The following CRYZL1 variants were observed in gnomAD, a reference collection of about 807,000 sequenced individuals.
CRYZL1 encodes the protein crystallin zeta like 1.
CRYZL1 carries 34 observed loss-of-function variants against 50.6 expected under a neutral mutation model. That is an observed-to-expected ratio of 0.67 (90% confidence interval 0.51 to 0.89). CRYZL1 has a LOEUF of 0.89. Among genes scored for constraint, CRYZL1 ranks in the 40% least tolerant of loss-of-function variants. The pLI, the probability that CRYZL1 is intolerant of heterozygous loss-of-function variation, is 0.00. For synonymous variants in CRYZL1, 125 were observed against 134.3 expected (o/e 0.93, Z 0.48); for missense variants, 354 against 402.3 (o/e 0.88, Z 1.03).
intron 1 of CRYZL1, among the ~76,000 whole-genome samples, chr21:33,636,151 T>A (rs1220037813): frequency 6.6e-6 from 1 of 152,048 alleles, no homozygotes; most frequent in Non-Finnish European, 1.5e-5. Context: ...TCCCAACAAT[T>A]TGGGAGGAGG....
intron 11 of CRYZL1, among the ~76,000 whole-genome samples, chr21:33,593,678 T>G (rs1296035995): frequency 1.3e-5 from 2 of 152,218 alleles, no homozygotes; most frequent in East Asian, 3.9e-4. Context: ...TTCCAACATG[T>G]AAGATTCAAA....
At chr21:33,592,784 G>A (rs936572604) in intron 11 of CRYZL1, among the ~76,000 whole-genome samples, 3 of 152,126 alleles carry the variant, frequency 2.0e-5, no homozygotes, top group African/African-American at 4.8e-5. Context: ...GGGTGCGGTG[G>A]CTAACGCCTG....
Position 33,595,759 on chromosome 21 carries a change from C to A in CRYZL1, c.876G>T (p.Leu292Phe), listed in dbSNP as rs1448222706. 1.2e-6 allele frequency: 2 copies of A among 1,614,088 alleles called. No homozygotes were observed. Among genetic ancestry groups the A allele is most frequent in the Non-Finnish European group, 1.7e-6 (2 of 1,179,954 alleles). The stretch of plus-strand genomic sequence containing the variant: ...GATATTTTCCCTGTTGTACATTTGA[C>A]AAATTCCAAACTTCATCATTCAGGA... The part of the protein sequence containing the change: ...LAFLNDEVWN[L>F]SNVQQGKYLC... The change falls in exon 11 of 13, where the codon TTG (leucine) becomes TTT (phenylalanine). Residue 292 changes from leucine to phenylalanine, a missense_variant. Coordinates refer to ENST00000381554, the MANE Select transcript of CRYZL1 (RefSeq NM_145858.3).
chr21:33,616,662 G>A (rs1463531606), intron 5 of CRYZL1, 44 bp downstream of exon 5: 17 of 1,602,026 alleles, frequency 1.1e-5, no homozygotes, highest in Admixed American at 3.5e-5. Flanking sequence ...CAGAGATGAC[G>A]GTAAAATAGA....
chr21:33,628,236 G>C (rs2087092583), intron 2 of CRYZL1, among the ~76,000 whole-genome samples: 1 of 152,164 alleles, frequency 6.6e-6, no homozygotes, highest in Non-Finnish European at 1.5e-5. Flanking sequence ...ATTTTTTAAA[G>C]TAAGGTAGTG....
At chr21:33,610,411 C>T (rs987228186) in intron 6 of CRYZL1, among the ~76,000 whole-genome samples, 1 of 152,230 alleles carries the variant, frequency 6.6e-6, no homozygotes, top group South Asian at 2.1e-4. Flanking sequence ...CTGCCTTGGC[C>T]TCCCAAAGTG....
chr21:33,636,828 A>G (rs762511657), intron 1 of CRYZL1, among the ~76,000 whole-genome samples: 1 of 152,098 alleles, frequency 6.6e-6, no homozygotes, highest in Non-Finnish European at 1.5e-5. Context: ...TTTTCTTTTT[A>G]GACAGTTTCA....
rs2086803340 is a variant in CRYZL1, at chr21:33,605,530, C to CTTTTTTTTTTGTTTTTTTTTT, written c.332-1994_332-1993insAAAAAAAAAACAAAAAAAAAA. Among the ~76,000 whole-genome samples the CTTTTTTTTTTGTTTTTTTTTT allele has an allele frequency of 3.8e-5, 2 of 53,196 alleles. 1 individual carries two copies. Among genetic ancestry groups the CTTTTTTTTTTGTTTTTTTTTT allele is most frequent in the Non-Finnish European group, 6.4e-5 (2 of 31,394 alleles). The allele number at this position is 53,196 out of a possible 152,430, so 34.9% of individuals were successfully genotyped here. ...GTAATTTTTCCGCAGTACAAGAATT[C>CTTTTTTTTTTGTTTTTTTTTT]TTTTTTTTTTGAGATGGAGTCTCAC... On this transcript the variant is annotated intron_variant, in intron 6 of 12. Coordinates refer to ENST00000381554, the MANE Select transcript of CRYZL1 (RefSeq NM_145858.3).
chr21:33,611,901 T>C (rs2086876589), intron 6 of CRYZL1, among the ~76,000 whole-genome samples: 2 of 152,246 alleles, frequency 1.3e-5, no homozygotes, highest in African/African-American at 2.4e-5. Flanking sequence ...TGGGACTGTT[T>C]GTATTCTTCT....
At chr21:33,632,785 A>G (rs2087157048) in intron 1 of CRYZL1, among the ~76,000 whole-genome samples, 1 of 152,238 alleles carries the variant, frequency 6.6e-6, no homozygotes, top group Non-Finnish European at 1.5e-5. Context: ...GAAGTATAAA[A>G]TATAGAAAAG....
chr21:33,640,744 A>G (rs1283260699), intron 1 of CRYZL1, among the ~76,000 whole-genome samples: 1 of 152,248 alleles, frequency 6.6e-6, no homozygotes, highest in Non-Finnish European at 1.5e-5. Context: ...AGCAGCCACT[A>G]GCACAGGTGG....
intron 2 of CRYZL1, among the ~76,000 whole-genome samples, chr21:33,628,940 T>C (rs530177585): frequency 1.3e-5 from 2 of 151,960 alleles, no homozygotes; most frequent in Admixed American, 6.6e-5. Context: ...TACAGAGAAC[T>C]ACTACTCGGC....
chr21:33,635,346 CTTT>C (rs11346670), intron 1 of CRYZL1, among the ~76,000 whole-genome samples: 9 of 93,456 alleles, frequency 9.6e-5, no homozygotes, highest in Middle Eastern at 6.9e-3. Context: ...AAGTATTAAA[CTTT>C]TTTTTTTTTT....
intron 1 of CRYZL1, among the ~76,000 whole-genome samples, chr21:33,632,744 T>G (rs771233609): frequency 6.6e-6 from 1 of 152,188 alleles, no homozygotes; most frequent in Non-Finnish European, 1.5e-5. Context: ...AGTAATTATG[T>G]GGTAAGACTA....
In CRYZL1 at chr21:33,592,328, G is replaced by A. The variant is rs540057987; in HGVS notation, c.905-1121C>T. The stretch of plus-strand genomic sequence containing the variant: ...TTTATTTTTATTTTTGTATAGACAG[G>A]GTCTCCCTATGTTGCCCGGGCTGGT... On this transcript the variant is annotated intron_variant, in intron 11 of 12. Transcript: ENST00000381554. Among the ~76,000 whole-genome samples the A allele has an allele frequency of 4.0e-5, 6 of 151,700 alleles. No individual in the cohort carries two copies. In the East Asian group the frequency reaches 9.8e-4, roughly 25 times the overall value.
chr21:33,631,263 C>T (rs1025848511), intron 2 of CRYZL1, among the ~76,000 whole-genome samples: 4 of 152,006 alleles, frequency 2.6e-5, no homozygotes, highest in Non-Finnish European at 5.9e-5. Context: ...TAAATATGTA[C>T]AATTATGTGC....
At chr21:33,603,222 T>A (rs1454334797) in intron 7 of CRYZL1, 182 bp downstream of exon 7, 2 of 638,968 alleles carry the variant, frequency 3.1e-6, no homozygotes, top group East Asian at 5.6e-5. Context: ...CTAATCACAC[T>A]AAATCTAACT....
chr21:33,605,981 G>A (rs768592213), intron 6 of CRYZL1, among the ~76,000 whole-genome samples: 7 of 152,150 alleles, frequency 4.6e-5, no homozygotes, highest in African/African-American at 7.2e-5. Flanking sequence ...TCTAGTGGGC[G>A]AAGTGGAGCA....
chr21:33,639,409 C>A (rs1258913282), intron 1 of CRYZL1, among the ~76,000 whole-genome samples: 1 of 152,166 alleles, frequency 6.6e-6, no homozygotes, highest in Non-Finnish European at 1.5e-5. Context: ...CTATATTGTA[C>A]TACTGGGGAA....
Sources: allele counts gnomAD v4.1 joint callset (sites outside exome capture counted in the v4.1 genomes callset), GRCh38; gene constraint gnomAD v4.1.1; transcripts MANE v1.5; gene names NCBI Gene and HGNC (gene_info 2026-07-23, HGNC 2026-07-21).